TMCO4: variants seen among roughly 807,000 people sequenced by gnomAD.
TMCO4 encodes transmembrane and coiled-coil domains 4, also known as transmembrane and coiled-coil domain-containing protein 4.
A neutral mutation model predicts 64.7 loss-of-function variants in TMCO4; 58 were observed. The ratio of observed to expected loss-of-function variants is 0.90; its 90% confidence interval spans 0.73 to 1.12. TMCO4 has a LOEUF of 1.12. TMCO4 is among the 50% of genes most tolerant of loss of function. The probability of loss-of-function intolerance (pLI) is 0.00; values close to 1 mark genes in which losing one functional copy is unlikely to be tolerated. For synonymous variants in TMCO4, 325 were observed against 346.1 expected, an observed-to-expected ratio of 0.94 and a Z score of 0.68; for missense variants, 780 against 825.9, an observed-to-expected ratio of 0.94 and a Z score of 0.68.
In TMCO4 at chr1:19,772,569, G is replaced by A. The variant is rs191243261; in HGVS notation, c.180-1087C>T. 1.4e-4 allele frequency among the ~76,000 whole-genome samples: 22 copies of A among 152,310 alleles called. No individual in the cohort carries two copies. In the East Asian group the frequency reaches 3.9e-3, roughly 27 times the overall value. ...CTTCTGACACAGCCACCTCTGTGGA[G>A]CAGGTGTGAGCCGGGTGGCAGGTGG... On this transcript the variant is annotated intron_variant, in intron 4 of 15. Coordinates refer to ENST00000294543, the MANE Select transcript of TMCO4 (RefSeq NM_181719.7).
intron 13 of TMCO4, among the ~76,000 whole-genome samples, chr1:19,712,824 T>A (rs2095337544): frequency 6.6e-6 from 1 of 152,164 alleles, no homozygotes; most frequent in African/African-American, 2.4e-5. Flanking sequence ...CAGAACTCAG[T>A]GGCTTAAAAT....
At chr1:19,797,032 C>G (rs2044341339) in intron 2 of TMCO4, among the ~76,000 whole-genome samples, 1 of 152,200 alleles carries the variant, frequency 6.6e-6, no homozygotes, top group African/African-American at 2.4e-5. Flanking sequence ...GGGGTTCAAT[C>G]CCTGTGTGCT....
At chr1:19,737,067 C>T (rs1323370341) in intron 13 of TMCO4, among the ~76,000 whole-genome samples, 1 of 152,126 alleles carries the variant, frequency 6.6e-6, no homozygotes, top group Non-Finnish European at 1.5e-5. Flanking sequence ...GTGCACCTGC[C>T]AACACCTTAA....
chr1:19,772,163 C>T (rs115968290), intron 4 of TMCO4, among the ~76,000 whole-genome samples: 150 of 152,250 alleles, frequency 9.9e-4, no homozygotes, highest in Middle Eastern at 3.4e-3. Context: ...ACTCTAGAGC[C>T]GTGTGGTACC....
intron 1 of TMCO4, among the ~76,000 whole-genome samples, chr1:19,798,981 T>C (rs547393608): frequency 3.3e-5 from 5 of 152,348 alleles, no homozygotes; most frequent in African/African-American, 1.2e-4. Flanking sequence ...AGTTAGGTAG[T>C]AGTCTGGGAT....
Position 19,771,302 on chromosome 1 carries a change from G to T in TMCO4, c.354+6C>A. 1 of 1,613,122 alleles carries T rather than the reference G, an allele frequency of 6.2e-7. No individual in the cohort carries two copies. On this transcript the variant is annotated splice_donor_region_variant and intron_variant, in intron 5 of 15. Coordinates refer to ENST00000294543, the MANE Select transcript of TMCO4 (RefSeq NM_181719.7). ...CCCAGCAGCCACCACCAGGTGTTGG[G>T]TGTACCTGAGTGATCACCGTCGGGT... is the stretch of plus-strand genomic sequence containing the variant.
chr1:19,766,302 C>T (rs1557591881), intron 6 of TMCO4, among the ~76,000 whole-genome samples: 4 of 152,182 alleles, frequency 2.6e-5, no homozygotes, highest in Non-Finnish European at 4.4e-5. Flanking sequence ...ACAACTGGCC[C>T]ATCCACGACA....
Position 19,732,993 on chromosome 1 carries a change from C to T in TMCO4, c.1264+4379G>A, listed in dbSNP as rs1476479754. Among the ~76,000 whole-genome samples the T allele has an allele frequency of 6.6e-6, 1 of 151,954 alleles. No homozygotes were observed. Among genetic ancestry groups the T allele is most frequent in the Non-Finnish European group, 1.5e-5 (1 of 67,966 alleles). The stretch of plus-strand genomic sequence containing the variant: ...ATATAGAAGTTTTCTAGGCCGGGCA[C>T]GGTGGCTCACGCCTGTAATGCCAGC... On this transcript the variant is annotated intron_variant, in intron 13 of 15. Coordinates refer to ENST00000294543, the MANE Select transcript of TMCO4 (RefSeq NM_181719.7). This position sits in a 1 kb window ranked among gnomAD's most constrained non-coding sequence, Gnocchi z 4.8.
chr1:19,684,236 G>A (rs1012689060), intron 15 of TMCO4, among the ~76,000 whole-genome samples: 2 of 151,784 alleles, frequency 1.3e-5, no homozygotes, highest in African/African-American at 4.8e-5. Context: ...GGGCTCTAGT[G>A]ATTCTCCCAC....
At chr1:19,698,829 T>C (rs373283405) in intron 14 of TMCO4, among the ~76,000 whole-genome samples, 2 of 152,254 alleles carry the variant, frequency 1.3e-5, no homozygotes, top group African/African-American at 4.8e-5. Context: ...ATGGGTTTAA[T>C]AAGATTTTGC....
intron 13 of TMCO4, among the ~76,000 whole-genome samples, chr1:19,730,099 G>T (rs1422966500): frequency 1.3e-5 from 2 of 152,224 alleles, no homozygotes; most frequent in Non-Finnish European, 2.9e-5. Flanking sequence ...CTCTGTCTCT[G>T]ACCACATGGT....
At chr1:19,758,526 C>T (rs1348590520) in intron 6 of TMCO4, among the ~76,000 whole-genome samples, 1 of 152,198 alleles carries the variant, frequency 6.6e-6, no homozygotes, top group Non-Finnish European at 1.5e-5. Flanking sequence ...GTGTGATTAA[C>T]ATTCCTGTGG....
chr1:19,722,108 T>C (rs1038376118), intron 13 of TMCO4, among the ~76,000 whole-genome samples: 3 of 152,200 alleles, frequency 2.0e-5, no homozygotes, highest in African/African-American at 7.2e-5. Flanking sequence ...TAGAAGCAAC[T>C]AAGCAGAGGC....
intron 13 of TMCO4, among the ~76,000 whole-genome samples, chr1:19,708,226 CA>C (rs2100662389): frequency 6.6e-6 from 1 of 151,744 alleles, no homozygotes; most frequent in South Asian, 2.1e-4. Flanking sequence ...GAAGAGGAAA[CA>C]GAAAGTTCAA....
At chr1:19,792,064 T>G (rs542834758) in intron 2 of TMCO4, among the ~76,000 whole-genome samples, 2 of 152,326 alleles carry the variant, frequency 1.3e-5, no homozygotes, top group South Asian at 4.1e-4. Context: ...GCCTTTCACC[T>G]TCCGCCATGA....
intron 3 of TMCO4, among the ~76,000 whole-genome samples, chr1:19,781,144 CAAAA>C (rs535767635): frequency 3.8e-5 from 2 of 52,596 alleles, no homozygotes; most frequent in Non-Finnish European, 7.5e-5. Flanking sequence ...GACTCCATCT[CAAAA>C]AAAAAAAAAA....
intron 1 of TMCO4, chr1:19,799,191 T>G (rs2044479090): frequency 6.6e-6 from 1 of 152,550 alleles, no homozygotes; most frequent in African/African-American, 2.4e-5. Context: ...AGCCTCAGTT[T>G]ACCCAGCTGT....
intron 13 of TMCO4, among the ~76,000 whole-genome samples, chr1:19,725,233 T>C (rs557133645): frequency 3.9e-5 from 6 of 152,308 alleles, no homozygotes; most frequent in Admixed American, 3.3e-4. Flanking sequence ...TGAAGACACC[T>C]GCAGGCAGGC....
intron 1 of TMCO4, 115 bp from the exon 2 acceptor site, chr1:19,798,330 T>C (rs1389553919): frequency 6.6e-6 from 1 of 152,486 alleles, no homozygotes; most frequent in Non-Finnish European, 1.5e-5. Context: ...AGCCCAGTGG[T>C]ACCAGAGTAG....
Sources: gnomAD v4.1 joint callset for allele counts (sites outside exome capture counted in the v4.1 genomes callset) on GRCh38, gnomAD v4.1.1 for gene constraint, Gnocchi (gnomAD v3.1) non-coding constraint, MANE v1.5 for transcripts, NCBI Gene and HGNC (gene_info 2026-07-23, HGNC 2026-07-21) for gene names.